The following WNK1 variants were observed in gnomAD, a reference collection of about 807,000 sequenced individuals.
WNK1 encodes WNK lysine deficient protein kinase 1.
WNK1 carries 38 observed loss-of-function variants against 222.8 expected under a neutral mutation model. The ratio of observed to expected loss-of-function variants is 0.17; its 90% CI spans 0.13 to 0.22. The LOEUF is 0.22. WNK1 is among the 10% of genes least tolerant of loss of function. The pLI is 1.00. For missense variants in WNK1, 2,348 were observed against 2,918.4 expected (o/e 0.80, Z 4.50); for synonymous variants, 1,090 against 1,092.9 (o/e 1.00, Z 0.05).
intron 22 of WNK1, among the ~76,000 whole-genome samples, chr12:894,179 C>T (rs915148120): frequency 1.3e-5 from 2 of 152,224 alleles, no homozygotes; most frequent in South Asian, 4.1e-4. Context: ...GATCGCACCA[C>T]TGCACTCCAG....
chr12:807,796 T>G lies in WNK1; in HGVS notation c.760-5846T>G, dbSNP rs1192287239. On this transcript the variant is annotated intron_variant, in intron 1 of 27. Coordinates refer to ENST00000315939, the MANE Select transcript of WNK1 (RefSeq NM_018979.4). ...GTGCAGTGGCGCAATCTCGGCTCAC[T>G]GCAAGCTCCGCCTCCCGGGTTCACG... Among the ~76,000 whole-genome samples the G allele has an allele frequency of 2.9e-5, 4 of 137,822 alleles. No individual in the cohort carries two copies. In the East Asian group the frequency reaches 9.5e-4, roughly 33 times the overall value. 90.4% of individuals were successfully genotyped at this position (137,822 alleles called of 152,430 possible).
At chr12:879,513 C>CTTTTTTTTTTTTTTTTTTTTTTTTGTTTT in intron 10 of WNK1, 60 bp from the exon 11 acceptor site, 1 of 403,028 alleles carries the variant, frequency 2.5e-6, no homozygotes, top group South Asian at 3.0e-5. Flanking sequence ...GGCAGCCTTG[C>CTTTTTTTTTTTTTTTTTTTTTTTTGTTTT]TTTTTTTTTT....
chr12:908,767 C>T lies in WNK1; in HGVS notation c.7124C>T (p.Pro2375Leu). Residue 2375 changes from proline to leucine, a missense_variant, in exon 28 of 28, where the codon CCA becomes CTA. Coordinates refer to ENST00000315939, the MANE Select transcript of WNK1 (RefSeq NM_018979.4). The stretch of plus-strand genomic sequence containing the variant: ...TTGCAGAAATCCATCAGCAACCCCC[C>T]AGGCTCCAACCTGCGGACCACTTAG... ...SNLQKSISNPPGSNLRTT is the reference protein window; with the variant it reads ...SNLQKSISNPLGSNLRTT The T allele has an allele frequency of 6.2e-7, 1 of 1,612,478 alleles. No homozygotes were observed. Among genetic ancestry groups the T allele is most frequent in the Non-Finnish European group, 8.5e-7 (1 of 1,179,842 alleles).
In WNK1 at chr12:900,589, T is replaced by A. The variant is rs141322375; in HGVS notation, c.6562T>A (p.Ser2188Thr). Reference sequence around the variant, plus strand: ...TCAGCTGTTACAGCCCCTTAAGCCATCTCCCTCCAGTGACAACCTCTATTC... The same window carrying A: ...TCAGCTGTTACAGCCCCTTAAGCCAACTCCCTCCAGTGACAACCTCTATTC... Reference protein sequence around the residue: ...QNQLLQPLKPSPSSDNLYSAF... With the variant: ...QNQLLQPLKPTPSSDNLYSAF... The change falls in exon 26 of 28, where the codon TCT (serine) becomes ACT (threonine). Residue 2188 changes from serine to threonine, a missense_variant. Ser to Thr is a moderately conservative substitution (Grantham distance 58). Coordinates refer to ENST00000315939, the MANE Select transcript of WNK1 (RefSeq NM_018979.4). 6.2e-7 allele frequency: 1 copy of A among 1,614,176 alleles called. No individual in the cohort carries two copies. Among genetic ancestry groups the A allele is most frequent in the South Asian group, 1.1e-5 (1 of 91,084 alleles).
At chr12:862,680 A>T (rs186651353) in intron 8 of WNK1, among the ~76,000 whole-genome samples, 1 of 152,336 alleles carries the variant, frequency 6.6e-6, no homozygotes, top group East Asian at 1.9e-4. Context: ...AAGACCTTCA[A>T]ACCATTATAG....
At chr12:780,077 T>A (rs1415389889) in intron 1 of WNK1, among the ~76,000 whole-genome samples, 1 of 152,228 alleles carries the variant, frequency 6.6e-6, no homozygotes, top group African/African-American at 2.4e-5. Flanking sequence ...GCAAGAAATA[T>A]GAGTTTATTA....
intron 1 of WNK1, among the ~76,000 whole-genome samples, chr12:764,064 A>G (rs1416739731): frequency 6.8e-6 from 1 of 147,234 alleles, no homozygotes; most frequent in Non-Finnish European, 1.5e-5. Context: ...ATAAAAGCTG[A>G]TGATTCCCAA....
intron 4 of WNK1, among the ~76,000 whole-genome samples, chr12:856,897 A>G (rs966105086): frequency 6.6e-6 from 1 of 152,236 alleles, no homozygotes; most frequent in African/African-American, 2.4e-5. Context: ...CTTGAAACAC[A>G]GCAGAAGATA....
At chr12:758,409 CT>C (rs1412534953) in intron 1 of WNK1, among the ~76,000 whole-genome samples, 1 of 86,826 alleles carries the variant, frequency 1.2e-5, no homozygotes, top group African/African-American at 4.2e-5. Flanking sequence ...GAGACGGAGT[CT>C]CGCTCTGTCG....
At chr12:807,941 G>T (rs997205367) in intron 1 of WNK1, among the ~76,000 whole-genome samples, 2 of 151,856 alleles carry the variant, frequency 1.3e-5, no homozygotes, top group African/African-American at 2.4e-5. Flanking sequence ...GGATGGTCTC[G>T]ATCTCCTGAC....
rs1403378850 is a variant in WNK1, at chr12:765,190, G to A, written c.759+10866G>A. On this transcript the variant is annotated intron_variant, in intron 1 of 27. Transcript: ENST00000315939. ...GAAATTTTTAGAACTTCATTGTCTTGTACTAGCCACATTTCAAGTGCTCAG... is the reference window on the plus strand; with the variant it reads ...GAAATTTTTAGAACTTCATTGTCTTATACTAGCCACATTTCAAGTGCTCAG... Among the ~76,000 whole-genome samples the A allele has an allele frequency of 4.1e-5, 6 of 147,718 alleles. 1 individual carries two copies. Among genetic ancestry groups the A allele is most frequent in the Non-Finnish European group, 4.5e-5 (3 of 66,158 alleles).
chr12:873,238 A>G (rs1686403241), intron 9 of WNK1, among the ~76,000 whole-genome samples: 1 of 152,220 alleles, frequency 6.6e-6, no homozygotes, highest in South Asian at 2.1e-4. Flanking sequence ...ATTTGGGGAT[A>G]TGTATGTATA....
chr12:895,965 C>A, intron 23 of WNK1, 106 bp from the exon 24 acceptor site: 1 of 1,481,992 alleles, frequency 6.7e-7, no homozygotes, highest in South Asian at 1.2e-5. Context: ...TCAGCCTACT[C>A]TTTGACAGGG....
chr12:828,445 C>T (rs12307697), intron 3 of WNK1, among the ~76,000 whole-genome samples: 1 of 152,132 alleles, frequency 6.6e-6, no homozygotes, highest in Non-Finnish European at 1.5e-5. Context: ...AAGAGTGTTT[C>T]TCAACCTCAA....
chr12:771,680 C>T lies in WNK1; in HGVS notation c.759+17356C>T, dbSNP rs1474618304. Among the ~76,000 whole-genome samples the T allele has an allele frequency of 3.9e-5, 6 of 152,284 alleles. No individual in the cohort carries two copies. In the South Asian group the frequency reaches 1.2e-3, roughly 32 times the overall value. ...GAACTCCTGACCTCAGGTGATCTGC[C>T]CGCCTCGGCCTCCCAAAGTGTTGGG... On this transcript the variant is annotated intron_variant, in intron 1 of 27. Transcript: ENST00000315939.
chr12:785,759 TTTTA>T (rs904268032), intron 1 of WNK1, among the ~76,000 whole-genome samples: 1 of 152,178 alleles, frequency 6.6e-6, no homozygotes, highest in African/African-American at 2.4e-5. Context: ...TGCTCTTTAA[TTTTA>T]TTTATTTATT....
rs2154025923 is a variant in WNK1, at chr12:827,094, C to T, written c.985C>T (p.Arg329Cys). 6.2e-7 allele frequency: 1 copy of T among 1,614,044 alleles called. No individual in the cohort carries two copies. The highest frequency in any genetic ancestry group is 8.5e-7 in the Non-Finnish European group (1 of 1,180,018). ...MKIKVLRSWC[R>C]QILKGLQFLH... ...GATCAAAGTTCTAAGAAGCTGGTGC[C>T]GTCAGATCCTTAAAGGTCTTCAGTT... Residue 329 changes from arginine (R) to cysteine (C), a missense_variant, in exon 3 of 28, where the codon CGT becomes TGT. By Grantham distance (180) the Arg-to-Cys change is radical. Coordinates refer to ENST00000315939, the MANE Select transcript of WNK1 (RefSeq NM_018979.4). This position sits in a 1 kb window ranked among gnomAD's most constrained non-coding sequence, Gnocchi z 4.6.
At chr12:891,559 A>G (rs565603655) in intron 22 of WNK1, among the ~76,000 whole-genome samples, 29 of 151,650 alleles carry the variant, frequency 1.9e-4, no homozygotes, top group African/African-American at 6.8e-4. Context: ...GAAATATTAT[A>G]TCATAAAATA....
intron 1 of WNK1, among the ~76,000 whole-genome samples, chr12:813,434 A>G (rs879393022): frequency 2.0e-5 from 3 of 152,260 alleles, no homozygotes; most frequent in Non-Finnish European, 4.4e-5. Context: ...AAATGAGACT[A>G]TATCTGAGTT....
Sources: allele counts gnomAD v4.1 joint callset (sites outside exome capture counted in the v4.1 genomes callset), GRCh38; gene constraint gnomAD v4.1.1; non-coding constraint Gnocchi (gnomAD v3.1); transcripts MANE v1.5; gene names NCBI Gene and HGNC (gene_info 2026-07-23, HGNC 2026-07-21).